PDZRN3: variants seen among roughly 807,000 people sequenced by gnomAD.
The protein encoded by PDZRN3 is E3 ubiquitin-protein ligase PDZRN3.
In PDZRN3, 38 loss-of-function variants were observed where a neutral mutation model predicts 85.7. The ratio of observed to expected loss-of-function variants is 0.44; its 90% CI spans 0.34 to 0.58. The LOEUF is 0.58. Ranked by LOEUF, PDZRN3 falls within the 20% of genes least tolerant of loss-of-function variation. PDZRN3 has a pLI of 0.01. For missense variants in PDZRN3, 1,629 were observed against 1,506.4 expected (o/e 1.08, Z -1.35); for synonymous variants, 759 against 638.0 (o/e 1.19, Z -2.86).
At chr3:73,531,047 G>A (rs1456160450) in intron 3 of PDZRN3, among the ~76,000 whole-genome samples, 2 of 152,012 alleles carry the variant, frequency 1.3e-5, no homozygotes, top group Admixed American at 6.6e-5. Flanking sequence ...TCAGGAGATC[G>A]AGACCATCCT....
intron 3 of PDZRN3, among the ~76,000 whole-genome samples, chr3:73,440,126 A>G (rs1348634972): frequency 6.6e-6 from 1 of 152,140 alleles, no homozygotes; most frequent in Admixed American, 6.5e-5. Context: ...TTTGGGCTGC[A>G]GAGATCTTGA....
chr3:73,624,926 T>G lies in PDZRN3; in HGVS notation c.-101A>C, dbSNP rs545473651. The G allele has an allele frequency of 1.7e-5, 16 of 917,982 alleles. No individual in the cohort carries two copies. The South Asian group carries it at 7.4e-4, about 42-fold the overall frequency. The allele number at this position is 917,982 out of a possible 1,614,324, so 56.9% of individuals were successfully genotyped here. ...CCGGCTACGCCGCCCGCGCGCTCGC[T>G]GGCTCTCCCCGGACTGAGCCTAATT... On this transcript the variant is annotated 5_prime_UTR_variant, in exon 1 of 10. Transcript: ENST00000263666.
rs573851116 is a variant in PDZRN3, at chr3:73,486,843, A to G, written c.919-82448T>C. Among the ~76,000 whole-genome samples the G allele has an allele frequency of 3.3e-4, 51 of 152,342 alleles. No individual in the cohort carries two copies. The South Asian group carries it at 8.1e-3, about 24-fold the overall frequency. On this transcript the variant is annotated intron_variant, in intron 3 of 9. Transcript: ENST00000263666. ...TATCAAAGGTCAGATATTTTATTTC[A>G]TATCAGGAAAACTGATTATTTGGAA...
intron 3 of PDZRN3, among the ~76,000 whole-genome samples, chr3:73,472,815 A>G (rs1703372083): frequency 6.6e-6 from 1 of 152,238 alleles, no homozygotes; most frequent in Non-Finnish European, 1.5e-5. Context: ...TAGCAAGTAA[A>G]TTGTCAAAAA....
At chr3:73,394,643 G>C (rs1325584535) in intron 5 of PDZRN3, among the ~76,000 whole-genome samples, 1 of 152,216 alleles carries the variant, frequency 6.6e-6, no homozygotes, top group African/African-American at 2.4e-5. Context: ...GTGGATGTGA[G>C]ACAGGATGGT....
At chr3:73,461,974 C>T (rs897864455) in intron 3 of PDZRN3, among the ~76,000 whole-genome samples, 11 of 152,180 alleles carry the variant, frequency 7.2e-5, no homozygotes, top group Non-Finnish European at 1.3e-4. Flanking sequence ...TTCCTTGATC[C>T]TGAAATGCTC....
chr3:73,477,974 C>T (rs1160634976), intron 3 of PDZRN3, among the ~76,000 whole-genome samples: 1 of 152,238 alleles, frequency 6.6e-6, no homozygotes, highest in African/African-American at 2.4e-5. Flanking sequence ...GAAAACCTGC[C>T]CCCATGATTC....
intron 3 of PDZRN3, among the ~76,000 whole-genome samples, chr3:73,511,280 G>T (rs1322742448): frequency 6.6e-6 from 1 of 152,010 alleles, no homozygotes; most frequent in Non-Finnish European, 1.5e-5. Context: ...GAAGGCTCCC[G>T]CCAACCCAAA....
chr3:73,603,730 A>G (rs1424021531), intron 2 of PDZRN3, among the ~76,000 whole-genome samples: 3 of 152,158 alleles, frequency 2.0e-5, no homozygotes, highest in Non-Finnish European at 4.4e-5. Flanking sequence ...AAACCAAAAA[A>G]CAATCCCTAT....
chr3:73,416,865 GTTTT>G (rs1231380594), intron 3 of PDZRN3, among the ~76,000 whole-genome samples: 1 of 83,014 alleles, frequency 1.2e-5, no homozygotes, highest in East Asian at 2.8e-4. Context: ...TTTTTTGTTT[GTTTT>G]TTTTTGGTTT....
At chr3:73,441,902 T>C (rs1702644015) in intron 3 of PDZRN3, among the ~76,000 whole-genome samples, 1 of 152,190 alleles carries the variant, frequency 6.6e-6, no homozygotes, top group Non-Finnish European at 1.5e-5. Flanking sequence ...TATCTCCTTC[T>C]AGATACAAGG....
At chr3:73,568,156 G>A (rs1701981822) in intron 3 of PDZRN3, among the ~76,000 whole-genome samples, 1 of 152,082 alleles carries the variant, frequency 6.6e-6, no homozygotes, top group Admixed American at 6.6e-5. Flanking sequence ...AAAAATAAAT[G>A]GCTTCTTGGA....
chr3:73,606,406 C>T (rs1288140369), intron 2 of PDZRN3, among the ~76,000 whole-genome samples: 1 of 152,094 alleles, frequency 6.6e-6, no homozygotes, highest in Admixed American at 6.6e-5. Flanking sequence ...CTTCCTGGAG[C>T]CAAATGTCTA....
intron 3 of PDZRN3, among the ~76,000 whole-genome samples, chr3:73,438,869 G>A (rs542442947): frequency 6.6e-6 from 1 of 152,228 alleles, no homozygotes; most frequent in African/African-American, 2.4e-5. Flanking sequence ...AGCCTCATCT[G>A]CGTCCTCTGG....
intron 3 of PDZRN3, among the ~76,000 whole-genome samples, chr3:73,471,457 G>C (rs947029399): frequency 6.6e-6 from 1 of 152,196 alleles, no homozygotes; most frequent in Non-Finnish European, 1.5e-5. Context: ...TAGTATCTAT[G>C]TAATAAATTA....
intron 3 of PDZRN3, among the ~76,000 whole-genome samples, chr3:73,436,931 A>G (rs1203759487): frequency 6.6e-6 from 1 of 151,746 alleles, no homozygotes; most frequent in Non-Finnish European, 1.5e-5. Flanking sequence ...CTGTAGTCCC[A>G]GGTACTTGGG....
intron 3 of PDZRN3, among the ~76,000 whole-genome samples, chr3:73,441,618 C>CA (rs1391210170): frequency 1.3e-5 from 2 of 152,022 alleles, no homozygotes; most frequent in African/African-American, 4.8e-5. Context: ...AACTGGGGCT[C>CA]AGGGAGGCAG....
intron 3 of PDZRN3, among the ~76,000 whole-genome samples, chr3:73,548,050 C>T (rs537372044): frequency 1.3e-5 from 2 of 152,138 alleles, no homozygotes; most frequent in African/African-American, 2.4e-5. Flanking sequence ...GGAGTGCTTG[C>T]TGAGATAAGT....
At chr3:73,456,016 TATAAA>T (rs1702969381) in intron 3 of PDZRN3, among the ~76,000 whole-genome samples, 2 of 152,198 alleles carry the variant, frequency 1.3e-5, no homozygotes, top group Admixed American at 1.3e-4. Context: ...CTGGGTATCT[TATAAA>T]ATAGTGGTAA....
Sources: gnomAD v4.1 joint callset for allele counts (sites outside exome capture counted in the v4.1 genomes callset) on GRCh38, gnomAD v4.1.1 for gene constraint, MANE v1.5 for transcripts, NCBI Gene and HGNC (gene_info 2026-07-23, HGNC 2026-07-21) for gene names.